PSG7: variants seen among roughly 807,000 people sequenced by gnomAD.
PSG7 encodes pregnancy specific beta-1-glycoprotein 7.
PSG7 carries 57 observed loss-of-function variants against 45.6 expected under a neutral mutation model. That is an observed-to-expected ratio of 1.25 (90% CI 1.01 to 1.56). The LOEUF (loss-of-function observed/expected upper bound fraction) is 1.56, where lower values mean the gene tolerates loss of function less well. PSG7 is among the 40% of genes most tolerant of loss of function. The pLI is 0.00. For synonymous variants in PSG7, 298 were observed against 194.4 expected, an observed-to-expected ratio of 1.53 and a Z score of -4.43; for missense variants, 796 against 508.4, an observed-to-expected ratio of 1.57 and a Z score of -5.44.
intron 5 of PSG7, chr19:42,925,054 T>A: frequency 1.8e-6 from 1 of 544,148 alleles, no homozygotes; most frequent in South Asian, 2.8e-5. Context: ...GTAGGCTCTC[T>A]TTTAAAATTT....
rs1360978894 is a variant in PSG7, at chr19:42,937,065, GA to G, written c.11del (p.Leu4ProfsTer10). The G allele has an allele frequency of 9.9e-6, 16 of 1,611,290 alleles. No homozygotes were observed. In the African/African-American group the frequency reaches 2.1e-4, roughly 22 times the overall value. On this transcript the variant is annotated frameshift_variant, in exon 1 of 6. Transcript: ENST00000406070. LOFTEE classifies it high-confidence loss of function. MGP[L>X]SAPPCTQHIT... ...TATGCTGTGTGCAGGGAGGGGCTGA[GA>G]GGGGCCCCATGGTCTCTGCTCCCTG... is the stretch of plus-strand genomic sequence containing the variant.
chr19:42,929,378 C>T, intron 3 of PSG7, 64 bp downstream of exon 3: 1 of 1,610,646 alleles, frequency 6.2e-7, no homozygotes, highest in South Asian at 1.1e-5. Flanking sequence ...ACTGAGAAGC[C>T]CGGCCTCTGG....
intron 3 of PSG7, among the ~76,000 whole-genome samples, chr19:42,928,199 A>T (rs1972936494): frequency 6.6e-6 from 1 of 151,542 alleles, no homozygotes; most frequent in Admixed American, 6.6e-5. Context: ...GCTATTTTCT[A>T]TGTCATGAGA....
In PSG7 at chr19:42,928,118, C is replaced by T. The variant is rs934979602; in HGVS notation, c.709+1324G>A. Among the ~76,000 whole-genome samples, 8 of 151,362 alleles carry T rather than the reference C, an allele frequency of 5.3e-5. 1 individual carries two copies. Among genetic ancestry groups the T allele is most frequent in the South Asian group, 2.1e-4 (1 of 4,754 alleles). On this transcript the variant is annotated intron_variant, in intron 3 of 5. Coordinates refer to ENST00000406070, the MANE Select transcript of PSG7 (RefSeq NM_002783.3). The stretch of plus-strand genomic sequence containing the variant: ...CGTTTCTAGCTTGGTGATTAGTTTT[C>T]GGTGAATTCCATACTGGCCATGCTG...
At chr19:42,925,537 A>G (rs536638427) in intron 5 of PSG7, 7 of 1,094,630 alleles carry the variant, frequency 6.4e-6, no homozygotes, top group African/African-American at 4.8e-5. Context: ...AATTATTTCA[A>G]TGAAATCAAT....
At chr19:42,935,320 C>G (rs116927510) in intron 2 of PSG7, 84 bp downstream of exon 2, 221,872 of 1,559,476 alleles carry the variant, frequency 0.14, 21,520 homozygotes, top group East Asian at 0.3. Flanking sequence ...GACACAGGCA[C>G]AGTCCAGGCC....
rs1973168895 is a variant in PSG7 at position 42,937,103 on chromosome 19, C to T, written c.-27G>A. 2 of 1,607,480 alleles carry T rather than the reference C, an allele frequency of 1.2e-6. No individual in the cohort carries two copies. Among genetic ancestry groups the T allele is most frequent in the Non-Finnish European group, 1.7e-6 (2 of 1,175,754 alleles). ...GTCTCTGCTCCCTGCGTGTTCTCCT[C>T]TGTGGAGATGAGCCTAGGATCCAGA... On this transcript the variant is annotated 5_prime_UTR_variant, in exon 1 of 6. Coordinates refer to ENST00000406070, the MANE Select transcript of PSG7 (RefSeq NM_002783.3).
intron 1 of PSG7, 109 bp downstream of exon 1, chr19:42,936,904 C>T (rs551210929): frequency 1.3e-6 from 2 of 1,503,296 alleles, no homozygotes; most frequent in Non-Finnish European, 1.8e-6. Flanking sequence ...ACCTCAGCCT[C>T]CCAAAGTGCT....
At chr19:42,931,219 A>G (rs1045688534) in intron 2 of PSG7, among the ~76,000 whole-genome samples, 7 of 151,662 alleles carry the variant, frequency 4.6e-5, no homozygotes, top group African/African-American at 1.7e-4. Flanking sequence ...GGAAATTTTT[A>G]CTGATGGTCC....
intron 4 of PSG7, 169 bp from the exon 5 acceptor site, chr19:42,926,196 C>T: frequency 7.1e-7 from 1 of 1,403,448 alleles, no homozygotes; most frequent in Non-Finnish European, 9.6e-7. Flanking sequence ...CTGTTTCTCC[C>T]ATCACAAGCT....
intron 3 of PSG7, chr19:42,927,493 G>A (rs571105944): frequency 6.6e-6 from 1 of 151,948 alleles, no homozygotes; most frequent in Admixed American, 6.6e-5. Context: ...GGCAGGTGAG[G>A]ACCATGTGGA....
rs202022082 is a variant in PSG7, at chr19:42,929,642, T to C, written c.509A>G (p.Asp170Gly). The stretch of plus-strand genomic sequence containing the variant: ...GTAGCTTGCATCTGGAGTCTCAGGA[T>C]CACAGGTTAAAATCACAGCCTCCGT... ...EATEAVILTC[D>G]PETPDASYLW... is the part of the protein sequence containing the mutation. The change falls in exon 3 of 6, where the codon GAT becomes GGT. Residue 170 changes from aspartate to glycine, a missense_variant. Asp to Gly is a moderately conservative substitution (Grantham distance 94). Coordinates refer to ENST00000406070, the MANE Select transcript of PSG7 (RefSeq NM_002783.3). 32 of 1,612,556 alleles carry C rather than the reference T, an allele frequency of 2.0e-5. No individual in the cohort carries two copies. Among genetic ancestry groups the C allele is most frequent in the Non-Finnish European group, 2.4e-5 (28 of 1,179,236 alleles).
chr19:42,937,082 C>G lies in PSG7; in HGVS notation c.-6G>C. On this transcript the variant is annotated 5_prime_UTR_variant, in exon 1 of 6. Transcript: ENST00000406070. ...GGGGCTGAGAGGGGCCCCATGGTCT[C>G]TGCTCCCTGCGTGTTCTCCTCTGTG... is the stretch of plus-strand genomic sequence containing the variant. 1 of 1,610,758 alleles carries G rather than the reference C, an allele frequency of 6.2e-7. No individual in the cohort carries two copies. The highest frequency in any genetic ancestry group is 8.5e-7 in the Non-Finnish European group (1 of 1,178,048).
rs1342476907 is a variant in PSG7 at position 42,929,568 on chromosome 19, G to A, written c.583C>T (p.Leu195=). The A allele has an allele frequency of 8.7e-6, 14 of 1,612,608 alleles. No individual in the cohort carries two copies. The highest frequency in any genetic ancestry group is 1.1e-5 in the Non-Finnish European group (13 of 1,179,244). Residue 195 remains leucine, a synonymous_variant, in exon 3 of 6, where the codon CTG becomes TTG. Coordinates refer to ENST00000406070, the MANE Select transcript of PSG7 (RefSeq NM_002783.3). Reference sequence around the variant, plus strand: ...TAGAGGGTCCTGTTGGTTTCAGACAGCTGCAAGCTGTGAGTCATAGGGAGG... The same window carrying A: ...TAGAGGGTCCTGTTGGTTTCAGACAACTGCAAGCTGTGAGTCATAGGGAGG... ...QSLPMTHSLQ[L]SETNRTLYLF... is the part of the protein sequence containing the mutation.
chr19:42,929,549 G>C lies in PSG7; in HGVS notation c.602C>G (p.Thr201Ser). Residue 201 changes from threonine (T) to serine (S), a missense_variant, in exon 3 of 6, where the codon ACC (threonine) becomes AGC (serine). By Grantham distance (58) the Thr-to-Ser change is moderately conservative. Transcript: ENST00000406070. ...GTTTGTGACACCAAATAGGTAGAGG[G>C]TCCTGTTGGTTTCAGACAGCTGCAA... ...HSLQLSETNR[T>S]LYLFGVTNYT... The C allele has an allele frequency of 1.9e-6, 3 of 1,612,580 alleles. No individual in the cohort carries two copies. Among genetic ancestry groups the C allele is most frequent in the Middle Eastern group, 1.7e-4 (1 of 6,060 alleles).
chr19:42,926,027 T>C lies in PSG7; in HGVS notation c.989A>G (p.Tyr330Cys), dbSNP rs377303709. 1.1e-5 allele frequency: 17 copies of C among 1,611,058 alleles called. No individual in the cohort carries two copies. Among genetic ancestry groups the C allele is most frequent in the Middle Eastern group, 3.3e-4 (2 of 6,076 alleles). ...RSDPVTLNVL[Y>C]GPDLPRIYPS... is the part of the protein sequence containing the mutation. ...GTAAATTCTGGGGAGGTCTGGACCA[T>C]CTGGAGGAAAGAGAATAAAGCCACA... The change falls in exon 5 of 6, where the codon TAT becomes TGT. Residue 330 changes from tyrosine (Y) to cysteine (C), a missense_variant and splice_region_variant. Transcript: ENST00000406070.
At chr19:42,933,742 GGCAGTGA>G (rs1253689316) in intron 2 of PSG7, among the ~76,000 whole-genome samples, 1 of 151,058 alleles carries the variant, frequency 6.6e-6, no homozygotes, top group African/African-American at 2.4e-5. Flanking sequence ...GAGACACCAT[GGCAGTGA>G]GCAGTGAGGG....
intron 2 of PSG7, among the ~76,000 whole-genome samples, chr19:42,930,070 A>C (rs1568457668): frequency 6.6e-6 from 1 of 151,612 alleles, no homozygotes; most frequent in Non-Finnish European, 1.5e-5. Context: ...TGGAGCATTC[A>C]GTGCTGGAAT....
At chr19:42,933,288 TATATATATATA>T (rs1451296870) in intron 2 of PSG7, among the ~76,000 whole-genome samples, 17 of 11,970 alleles carry the variant, frequency 1.4e-3, no homozygotes, top group Middle Eastern at 0.031. Context: ...TATATATATA[TATATATATATA>T]TATATATATT....
Sources: allele counts gnomAD v4.1 joint callset (sites outside exome capture counted in the v4.1 genomes callset), GRCh38; gene constraint gnomAD v4.1.1; transcripts MANE v1.5; gene names NCBI Gene and HGNC (gene_info 2026-07-23, HGNC 2026-07-21).